The following NPHP3 variants were observed in gnomAD, a reference collection of about 807,000 sequenced individuals.
The protein encoded by NPHP3 is nephrocystin 3.
NPHP3 carries 123 observed loss-of-function variants against 171.9 expected under a neutral mutation model. The ratio of observed to expected loss-of-function variants is 0.72; its 90% CI spans 0.62 to 0.83. The LOEUF (loss-of-function observed/expected upper bound fraction) is 0.83, where lower values mean the gene tolerates loss of function less well. Among genes scored for constraint, NPHP3 ranks in the 40% least tolerant of loss-of-function variants. NPHP3 has a pLI of 0.00. For synonymous variants in NPHP3, 558 were observed against 579.2 expected, an observed-to-expected ratio of 0.96 and a Z score of 0.52; for missense variants, 1,506 against 1,591.9, an observed-to-expected ratio of 0.95 and a Z score of 0.92.
intron 5 of NPHP3, among the ~76,000 whole-genome samples, chr3:132,714,124 T>G (rs970831494): frequency 1.3e-5 from 2 of 152,272 alleles, no homozygotes; most frequent in Non-Finnish European, 2.9e-5. Flanking sequence ...TGAATTGGTG[T>G]TGTAGTGCTG....
rs183844018 is a variant in NPHP3 at position 132,689,877 on chromosome 3, T to C, written c.2694-614A>G. Among the ~76,000 whole-genome samples the C allele has an allele frequency of 7.8e-4, 119 of 152,246 alleles. 1 individual carries two copies. The highest frequency in any genetic ancestry group is 2.1e-3 in the South Asian group (10 of 4,830). Reference sequence around the variant, plus strand: ...TGGAATGGAGATCAGAAATAAGAGATGCAACAAATTTGAGAGAGTTTATGT... The same window carrying C: ...TGGAATGGAGATCAGAAATAAGAGACGCAACAAATTTGAGAGAGTTTATGT... On this transcript the variant is annotated intron_variant, in intron 19 of 26. Coordinates refer to ENST00000337331, the MANE Select transcript of NPHP3 (RefSeq NM_153240.5).
intron 7 of NPHP3, among the ~76,000 whole-genome samples, chr3:132,707,623 C>T (rs1939789459): frequency 6.6e-6 from 1 of 152,174 alleles, no homozygotes; most frequent in African/African-American, 2.4e-5. Flanking sequence ...TTTCTCACAA[C>T]CCACAACCAA....
chr3:132,708,435 G>A (rs531527667), intron 6 of NPHP3, among the ~76,000 whole-genome samples, 178 bp from the exon 7 acceptor site: 1 of 152,170 alleles, frequency 6.6e-6, no homozygotes. Flanking sequence ...CTTCCAGTTT[G>A]GTCTTAAAAT....
intron 18 of NPHP3, 89 bp from the exon 19 acceptor site, chr3:132,690,739 T>C (rs1157797471): frequency 8.6e-6 from 11 of 1,276,880 alleles, no homozygotes; most frequent in Non-Finnish European, 1.2e-5. Flanking sequence ...GGAAGAAAAA[T>C]ATTTAACATA....
chr3:132,705,787 C>G lies in NPHP3; in HGVS notation c.1303G>C (p.Glu435Gln). 1.3e-6 allele frequency: 2 copies of G among 1,511,276 alleles called. No individual in the cohort carries two copies. The highest frequency in any genetic ancestry group is 2.3e-5 in the South Asian group (2 of 88,462). 93.6% of individuals were successfully genotyped at this position (1,511,276 alleles called of 1,614,324 possible). The change falls in exon 8 of 27, where the codon GAA becomes CAA. Residue 435 changes from glutamate (E) to glutamine (Q), a missense_variant. Around this residue, in one of 3 missense-constraint regions of NPHP3, gnomAD observed 930 missense variants for 924.9 expected, o/e 1.01. Coordinates refer to ENST00000337331, the MANE Select transcript of NPHP3 (RefSeq NM_153240.5). ...KIIDHSGDPA[E>Q]GVYKTYICVE... is the part of the protein sequence containing the mutation. ...CAAATATAAGTTTTATATACTCCTT[C>G]TGCAGGATCTCCTGAGTGATCAATG...
chr3:132,703,114 A>G (rs1939658486), intron 9 of NPHP3, among the ~76,000 whole-genome samples: 1 of 152,250 alleles, frequency 6.6e-6, no homozygotes, highest in African/African-American at 2.4e-5. Context: ...TAAGCACTTT[A>G]TGTGCATTAT....
chr3:132,714,563 A>T (rs546704947), intron 5 of NPHP3, among the ~76,000 whole-genome samples: 7,056 of 147,986 alleles, frequency 0.048, 255 homozygotes, highest in Non-Finnish European at 0.068. Context: ...GCAAAAAAAA[A>T]AAATAAATAA....
chr3:132,686,451 A>G (rs1939166475), intron 22 of NPHP3, 64 bp from the exon 23 acceptor site: 5 of 1,600,028 alleles, frequency 3.1e-6, no homozygotes, highest in Non-Finnish European at 4.3e-6. Flanking sequence ...TTCTGAAACA[A>G]TATATGAGGG....
In NPHP3 at chr3:132,704,475, A is replaced by G. The variant is rs1939695897; in HGVS notation, c.1351-104T>C. On this transcript the variant is annotated intron_variant, in intron 8 of 26. Coordinates refer to ENST00000337331, the MANE Select transcript of NPHP3 (RefSeq NM_153240.5). Reference sequence around the variant, plus strand: ...GGCTTCACCTACTTTTGGGAGGGCAAGTTCAAACATACAGCCTTTGTATAA... The same window carrying G: ...GGCTTCACCTACTTTTGGGAGGGCAGGTTCAAACATACAGCCTTTGTATAA... 3.9e-6 allele frequency: 4 copies of G among 1,038,294 alleles called. No homozygotes were observed. The South Asian group carries it at 5.1e-5, about 13-fold the overall frequency. The allele number at this position is 1,038,294 out of a possible 1,614,324, so 64.3% of individuals were successfully genotyped here.
rs537749080 is a variant in NPHP3, at chr3:132,700,461, G to A, written c.1629-13C>T. ...TTGTAATTGAATCCTGAAAGAAAAA[G>A]ACAGAACTTTTATAAAACCGATAAA... On this transcript the variant is annotated splice_polypyrimidine_tract_variant and intron_variant, in intron 10 of 26. Transcript: ENST00000337331. The A allele has an allele frequency of 9.9e-6, 15 of 1,510,746 alleles. No individual in the cohort carries two copies. In the East Asian group the frequency reaches 3.4e-4, roughly 34 times the overall value. 93.6% of individuals were successfully genotyped at this position (1,510,746 alleles called of 1,614,324 possible). A position where few individuals can be genotyped will look rare whatever the true frequency, so the allele number is the denominator to read the frequency against.
In NPHP3 at chr3:132,696,931, T is replaced by C. The variant is rs1939469257; in HGVS notation, c.2089-118A>G. On this transcript the variant is annotated intron_variant, in intron 14 of 26. Coordinates refer to ENST00000337331, the MANE Select transcript of NPHP3 (RefSeq NM_153240.5). ...GACAGAAATAACACTATTGCTGCCA[T>C]CCGTGACATCACAACATGCAGTGGT... The C allele has an allele frequency of 9.7e-6, 8 of 827,960 alleles. No homozygotes were observed. In the East Asian group the frequency reaches 2.0e-4, roughly 21 times the overall value. The allele number at this position is 827,960 out of a possible 1,614,324, so 51.3% of individuals were successfully genotyped here. A position where few individuals can be genotyped will look rare whatever the true frequency, so the allele number is the denominator to read the frequency against.
In NPHP3 at chr3:132,687,194, G is replaced by A. The variant is rs1213673024; in HGVS notation, c.3158C>T (p.Ser1053Phe). The A allele has an allele frequency of 6.8e-7, 1 of 1,462,306 alleles. No individual in the cohort carries two copies. Among genetic ancestry groups the A allele is most frequent in the African/African-American group, 1.4e-5 (1 of 71,792 alleles). The allele number at this position is 1,462,306 out of a possible 1,614,324, so 90.6% of individuals were successfully genotyped here. A position where few individuals can be genotyped will look rare whatever the true frequency, so the allele number is the denominator to read the frequency against. Residue 1053 changes from serine to phenylalanine, a missense_variant, in exon 22 of 27, where the codon TCC becomes TTC. Coordinates refer to ENST00000337331, the MANE Select transcript of NPHP3 (RefSeq NM_153240.5). ...YEQAEHFRKK[S>F]FKIHQKAIKK... Reference sequence around the variant, plus strand: ...TATAGCTTTCTGATGAATTTTAAAGGATTTTTTCCTAAAATGTTCAGCTTG... The same window carrying A: ...TATAGCTTTCTGATGAATTTTAAAGAATTTTTTCCTAAAATGTTCAGCTTG...
Position 132,687,215 on chromosome 3 carries a change from G to C in NPHP3, c.3137C>G (p.Ala1046Gly), listed in dbSNP as rs756790389. ...AAAGGATTTTTTCCTAAAATGTTCA[G>C]CTTGTTCATATCTTAAAAAAAAATT... ...LYQKQNKYEQ[A>G]EHFRKKSFKI... Residue 1046 changes from alanine to glycine, a missense_variant, in exon 22 of 27, where the codon GCT (alanine) becomes GGT (glycine). Physicochemically the swap from Ala to Gly is moderately conservative, Grantham distance 60. This residue lies in a region of NPHP3 where 569 missense variants were observed against 648.1 expected (regional missense o/e 0.88). Transcript: ENST00000337331. The C allele has an allele frequency of 1.7e-5, 23 of 1,377,312 alleles. No homozygotes were observed. Among genetic ancestry groups the C allele is most frequent in the Non-Finnish European group, 2.4e-5 (23 of 969,832 alleles). 85.3% of individuals were successfully genotyped at this position (1,377,312 alleles called of 1,614,324 possible). A position where few individuals can be genotyped will look rare whatever the true frequency, so the allele number is the denominator to read the frequency against.
intron 9 of NPHP3, among the ~76,000 whole-genome samples, chr3:132,701,751 G>A (rs939032312): frequency 3.3e-5 from 5 of 152,172 alleles, no homozygotes; most frequent in East Asian, 1.9e-4. Context: ...GGCTGGGCGC[G>A]GTGGCTCACG....
intron 26 of NPHP3, 182 bp downstream of exon 26, chr3:132,682,521 A>T: frequency 3.3e-6 from 2 of 609,454 alleles, no homozygotes; most frequent in Non-Finnish European, 5.8e-6. Flanking sequence ...TCTGCAAAAT[A>T]GATCATGCAG....
rs111995127 is a variant in NPHP3, at chr3:132,681,802, C to G, written c.*108G>C. 1 of 896,854 alleles carries G rather than the reference C, an allele frequency of 1.1e-6. No homozygotes were observed. The highest frequency in any genetic ancestry group is 2.0e-5 in the Admixed American group (1 of 50,946). The allele number at this position is 896,854 out of a possible 1,614,324, so 55.6% of individuals were successfully genotyped here. ...TCATACAAATAGCAGTTAAATCACA[C>G]GTAGTAAAATTTCGTACAACATTTT... On this transcript the variant is annotated 3_prime_UTR_variant, in exon 27 of 27. Coordinates refer to ENST00000337331, the MANE Select transcript of NPHP3 (RefSeq NM_153240.5).
At position 132,690,557 on chromosome 3, in the gene NPHP3, A is replaced by C; in HGVS notation, c.2664T>G (p.Asn888Lys). The C allele has an allele frequency of 6.2e-7, 1 of 1,613,682 alleles. No individual in the cohort carries two copies. Among genetic ancestry groups the C allele is most frequent in the Non-Finnish European group, 8.5e-7 (1 of 1,179,642 alleles). The change falls in exon 19 of 27, where the codon AAT becomes AAG. Residue 888 changes from asparagine (N) to lysine (K), a missense_variant. Asn to Lys is a moderately conservative substitution (Grantham distance 94). Coordinates refer to ENST00000337331, the MANE Select transcript of NPHP3 (RefSeq NM_153240.5). ...TATAAAGGTTTTGAGACACAAAGAGATTAAGAAGGCAATCATGCAGCTTCT... is the reference window on the plus strand; with the variant it reads ...TATAAAGGTTTTGAGACACAAAGAGCTTAAGAAGGCAATCATGCAGCTTCT... ...SKQKLHDCLL[N>K]LFVSQNLYKR...
At chr3:132,720,291 T>C (rs1940171987) in intron 1 of NPHP3, among the ~76,000 whole-genome samples, 1 of 152,198 alleles carries the variant, frequency 6.6e-6, no homozygotes, top group Admixed American at 6.5e-5. Flanking sequence ...ACACAATGAA[T>C]GAAATAAATA....
chr3:132,692,884 AGTTC>A, intron 16 of NPHP3, 66 bp from the exon 17 acceptor site: 1 of 1,327,310 alleles, frequency 7.5e-7, no homozygotes, highest in Non-Finnish European at 1.1e-6. Context: ...GGCCATTAAA[AGTTC>A]CATAATTCTT....
Sources: gnomAD v4.1 joint callset for allele counts (sites outside exome capture counted in the v4.1 genomes callset) on GRCh38, gnomAD v4.1.1 for gene constraint, gnomAD v4.1.1 regional missense constraint, MANE v1.5 for transcripts, NCBI Gene and HGNC (gene_info 2026-07-23, HGNC 2026-07-21) for gene names.